MYLK3: variants seen among roughly 807,000 people sequenced by gnomAD.
MYLK3 encodes the protein MLC kinase.
MYLK3 carries 55 observed loss-of-function variants against 76.3 expected under a neutral mutation model. That is an observed-to-expected ratio of 0.72 (90% confidence interval 0.58 to 0.90). MYLK3 has a LOEUF of 0.90. Among genes scored for constraint, MYLK3 ranks in the 40% least tolerant of loss-of-function variants. The probability of loss-of-function intolerance (pLI) is 0.00; values close to 1 mark genes in which losing one functional copy is unlikely to be tolerated. For missense variants in MYLK3, 973 were observed against 1,053.6 expected, an observed-to-expected ratio of 0.92 and a Z score of 1.06; for synonymous variants, 416 against 425.4, an observed-to-expected ratio of 0.98 and a Z score of 0.27.
intron 1 of MYLK3, among the ~76,000 whole-genome samples, chr16:46,754,886 T>G (rs1340589769): frequency 6.6e-6 from 1 of 151,444 alleles, no homozygotes; most frequent in African/African-American, 2.4e-5. Flanking sequence ...TTTGCAAAAA[T>G]GCAAACAATT....
At chr16:46,720,886 G>C (rs1347081217) in intron 9 of MYLK3, among the ~76,000 whole-genome samples, 1 of 152,174 alleles carries the variant, frequency 6.6e-6, no homozygotes. Context: ...CAGGTGGAGT[G>C]AAGTTCAGTT....
intron 1 of MYLK3, among the ~76,000 whole-genome samples, chr16:46,742,447 A>ACAC (rs1555471290): frequency 0.26 from 33,310 of 130,616 alleles, 4,851 homozygotes; most frequent in Middle Eastern, 0.35. Context: ...TCCCAGCAAA[A>ACAC]ACACACACAC....
At position 46,720,976 on chromosome 16, in the gene MYLK3, G is replaced by C. The variant is rs1415722143; in HGVS notation, c.1985+147C>G. 5 of 737,614 alleles carry C rather than the reference G, an allele frequency of 6.8e-6. No individual in the cohort carries two copies. The African/African-American group carries it at 7.0e-5, about 10-fold the overall frequency. The allele number at this position is 737,614 out of a possible 1,614,324, so 45.7% of individuals were successfully genotyped here. On this transcript the variant is annotated intron_variant, in intron 9 of 12. Coordinates refer to ENST00000394809, the MANE Select transcript of MYLK3 (RefSeq NM_182493.3). ...CAAGAGCAACAAGGCCTGTCTGCAA[G>C]TCAAAGGCCACCAGCTTCTGCACAC...
chr16:46,731,857 G>A (rs945030899), intron 4 of MYLK3, among the ~76,000 whole-genome samples: 5 of 152,128 alleles, frequency 3.3e-5, no homozygotes, highest in African/African-American at 4.8e-5. Flanking sequence ...CTGGGAGGCC[G>A]AGGCTGGAGG....
intron 3 of MYLK3, among the ~76,000 whole-genome samples, chr16:46,733,760 G>A (rs1337890094): frequency 2.0e-5 from 3 of 152,160 alleles, no homozygotes; most frequent in Non-Finnish European, 4.4e-5. Context: ...TGTGTTAGGG[G>A]GTGAGGGTGA....
In MYLK3 at chr16:46,727,261, T is replaced by G. The variant is rs1330455203; in HGVS notation, c.1889A>C (p.His630Pro). Residue 630 changes from histidine (H) to proline (P), a missense_variant, in exon 8 of 13, where the codon CAC becomes CCC. Transcript: ENST00000394809. Reference protein sequence around the residue: ...ICEGVHYLHQHYILHLDLKPE... With the variant: ...ICEGVHYLHQPYILHLDLKPE... ...CTTGAGGTCCAGGTGCAGGATGTAG[T>G]GCTGGTGCAGGTAATGCACACCCTC... is the stretch of plus-strand genomic sequence containing the variant. The G allele has an allele frequency of 6.2e-7, 1 of 1,614,026 alleles. No individual in the cohort carries two copies. Among genetic ancestry groups the G allele is most frequent in the South Asian group, 1.1e-5 (1 of 91,072 alleles).
chr16:46,722,610 AG>A (rs932408364), intron 8 of MYLK3, among the ~76,000 whole-genome samples: 86 of 152,292 alleles, frequency 5.6e-4, no homozygotes, highest in African/African-American at 1.9e-3. Context: ...AAAGTTTACT[AG>A]AATGTACATT....
At chr16:46,718,691 C>T (rs1033317932) in intron 9 of MYLK3, among the ~76,000 whole-genome samples, 4 of 152,188 alleles carry the variant, frequency 2.6e-5, no homozygotes, top group South Asian at 2.1e-4. Context: ...CAGGGCCAGG[C>T]GTGGTGGCTC....
rs767465661 is a variant in MYLK3, at chr16:46,729,530, C to T, written c.1662+64G>A. On this transcript the variant is annotated intron_variant, in intron 6 of 12. Transcript: ENST00000394809. ...CCAGCTCAGCATGGGAGCCTGGGGG[C>T]CCTGAGGGAAGGAAAGGAATCCTGA... The T allele has an allele frequency of 4.5e-5, 64 of 1,419,434 alleles. No individual in the cohort carries two copies. The Admixed American group carries it at 5.2e-4, about 12-fold the overall frequency. 87.9% of individuals were successfully genotyped at this position (1,419,434 alleles called of 1,614,324 possible). A position where few individuals can be genotyped will look rare whatever the true frequency, so the allele number is the denominator to read the frequency against.
intron 8 of MYLK3, 51 bp from the exon 9 acceptor site, chr16:46,721,244 C>T (rs1296524038): frequency 6.4e-7 from 1 of 1,552,622 alleles, no homozygotes; most frequent in African/African-American, 1.4e-5. Context: ...AGGAGGTCTG[C>T]AGCTGCCACA....
rs750129834 is a variant in MYLK3 at position 46,712,774 on chromosome 16, T to C, written c.1988A>G (p.Tyr663Cys). The part of the protein sequence containing the change: ...KIIDFGLARR[Y>C]KPREKLKVNF... ...CACCTTCAGCTTCTCTCGAGGCTTGTACCTGGGGAGAAGGGGAGGGTACAA... is the reference window on the plus strand; with the variant it reads ...CACCTTCAGCTTCTCTCGAGGCTTGCACCTGGGGAGAAGGGGAGGGTACAA... The change falls in exon 10 of 13, where the codon TAC (tyrosine) becomes TGC (cysteine). Residue 663 changes from tyrosine (Y) to cysteine (C), a missense_variant and splice_region_variant. Tyr to Cys is a radical substitution (Grantham distance 194). Coordinates refer to ENST00000394809, the MANE Select transcript of MYLK3 (RefSeq NM_182493.3). 2 of 1,591,372 alleles carry C rather than the reference T, an allele frequency of 1.3e-6. No individual in the cohort carries two copies. The highest frequency in any genetic ancestry group is 1.8e-5 in the Admixed American group (1 of 56,692).
rs753913445 is a variant in MYLK3 at position 46,737,922 on chromosome 16, A to G, written c.790T>C (p.Leu264=). 2.5e-6 allele frequency: 4 copies of G among 1,614,002 alleles called. No homozygotes were observed. Among genetic ancestry groups the G allele is most frequent in the South Asian group, 1.1e-5 (1 of 91,082 alleles). The change falls in exon 3 of 13, where the codon TTG becomes CTG. Residue 264 remains leucine, a synonymous_variant. Transcript: ENST00000394809. ...TTGACCCTGCCGGGTGCTGGAGCCA[A>G]TTCCAGGCCAGTCCTGAGGTTCTCG... ...PSENLRTGLE[L]APAPGRVNVV...
chr16:46,721,766 GAT>G (rs887244526), intron 8 of MYLK3, among the ~76,000 whole-genome samples: 5 of 152,174 alleles, frequency 3.3e-5, no homozygotes, highest in Non-Finnish European at 7.3e-5. Context: ...ATACCTCTGT[GAT>G]ATATAATTGG....
intron 1 of MYLK3, among the ~76,000 whole-genome samples, chr16:46,745,328 A>G (rs1967003745): frequency 6.6e-6 from 1 of 152,274 alleles, no homozygotes; most frequent in Admixed American, 6.5e-5. Flanking sequence ...CTGAAGACAC[A>G]GCCCCCAAAG....
upstream of MYLK3, among the ~76,000 whole-genome samples, chr16:46,750,249 G>T (rs762432202): frequency 5.9e-5 from 9 of 152,292 alleles, no homozygotes; most frequent in Middle Eastern, 6.8e-3. Context: ...CCCAGCCCCT[G>T]TGCCTCTCCC....
intron 9 of MYLK3, among the ~76,000 whole-genome samples, chr16:46,717,544 C>G (rs1214251960): frequency 6.6e-6 from 1 of 152,016 alleles, no homozygotes; most frequent in Non-Finnish European, 1.5e-5. Context: ...CCAACCAGCC[C>G]GCACATACAC....
intron 10 of MYLK3, among the ~76,000 whole-genome samples, chr16:46,711,348 A>G (rs1453834299): frequency 2.0e-5 from 3 of 152,176 alleles, no homozygotes; most frequent in African/African-American, 7.2e-5. Flanking sequence ...TCAGGAGACC[A>G]GAAGTAAAAC....
Position 46,732,669 on chromosome 16 carries a change from C to A in MYLK3, c.1002-1G>T. 1 of 1,501,554 alleles carries A rather than the reference C, an allele frequency of 6.7e-7. No homozygotes were observed. The highest frequency in any genetic ancestry group is 1.3e-5 in the South Asian group (1 of 75,276). 93.0% of individuals were successfully genotyped at this position (1,501,554 alleles called of 1,614,324 possible). A position where few individuals can be genotyped will look rare whatever the true frequency, so the allele number is the denominator to read the frequency against. On this transcript the variant is annotated splice_acceptor_variant, in intron 3 of 12. Coordinates refer to ENST00000394809, the MANE Select transcript of MYLK3 (RefSeq NM_182493.3). LOFTEE classifies it high-confidence loss of function. Reference sequence around the variant, plus strand: ...CATCTCTTGTATGTGGATGGAGATCCTGGGGTGGAGAGAAACATGGTGCTG... The same window carrying A: ...CATCTCTTGTATGTGGATGGAGATCATGGGGTGGAGAGAAACATGGTGCTG...
At chr16:46,758,457 T>C (rs1025815500) in intron 1 of MYLK3, among the ~76,000 whole-genome samples, 2 of 152,098 alleles carry the variant, frequency 1.3e-5, no homozygotes, top group Non-Finnish European at 2.9e-5. Context: ...CTCTCCTTAT[T>C]TGAGACACAC....
Sources: gnomAD v4.1 joint callset for allele counts (sites outside exome capture counted in the v4.1 genomes callset) on GRCh38, gnomAD v4.1.1 for gene constraint, MANE v1.5 for transcripts, NCBI Gene and HGNC (gene_info 2026-07-23, HGNC 2026-07-21) for gene names.